GART: variants seen among roughly 807,000 people sequenced by gnomAD.
The protein encoded by GART is phosphoribosylglycinamide formyltransferase, phosphoribosylglycinamide synthetase, phosphoribosylaminoimidazole synthetase.
In GART, 43 loss-of-function variants were observed where a neutral mutation model predicts 107.2. That is an observed-to-expected ratio of 0.40 (90% CI 0.31 to 0.52). GART has a LOEUF of 0.52. Ranked by LOEUF, GART falls within the 20% of genes least tolerant of loss-of-function variation. The pLI, the probability that GART is intolerant of heterozygous loss-of-function variation, is 0.52. For missense variants in GART, 1,107 were observed against 1,206.5 expected, an observed-to-expected ratio of 0.92 and a Z score of 1.22; for synonymous variants, 434 against 427.0, an observed-to-expected ratio of 1.02 and a Z score of -0.20.
At position 33,504,127 on chromosome 21, in the gene GART, T is replaced by C. The variant is rs2084638136; in HGVS notation, c.3030A>G (p.Glu1010=). ...ENGKICWVKE[E] ...CCCATTTCTGAATTAAAAGGCTTCA[T>C]TCCTCTTTAACCCAACAGATCTTGC... Residue 1010 remains glutamate, a synonymous_variant, in exon 22 of 22, where the codon GAA becomes GAG. Coordinates refer to ENST00000381815, the MANE Select transcript of GART (RefSeq NM_000819.5). The C allele has an allele frequency of 6.2e-7, 1 of 1,603,488 alleles. No individual in the cohort carries two copies. The highest frequency in any genetic ancestry group is 1.3e-5 in the African/African-American group (1 of 74,702).
intron 7 of GART, among the ~76,000 whole-genome samples, chr21:33,530,525 A>T (rs113791367): frequency 3.9e-5 from 6 of 152,346 alleles, no homozygotes; most frequent in African/African-American, 1.2e-4. Flanking sequence ...GAATAGGAGG[A>T]TCTATTCAAC....
At chr21:33,515,371 G>A (rs190070570) in intron 16 of GART, among the ~76,000 whole-genome samples, 79 of 152,322 alleles carry the variant, frequency 5.2e-4, no homozygotes, top group African/African-American at 1.9e-3. Flanking sequence ...GCTGGGCACA[G>A]TGGCTCATGC....
At chr21:33,507,579 G>C (rs2084704672) in intron 18 of GART, among the ~76,000 whole-genome samples, 1 of 152,200 alleles carries the variant, frequency 6.6e-6, no homozygotes, top group African/African-American at 2.4e-5. Flanking sequence ...CCAGCACTTT[G>C]GGAGGCCAAG....
At chr21:33,536,961 A>T (rs754536089) in intron 2 of GART, among the ~76,000 whole-genome samples, 1 of 152,228 alleles carries the variant, frequency 6.6e-6, no homozygotes, top group Non-Finnish European at 1.5e-5. Flanking sequence ...TAGGCTGGTG[A>T]CTACTGTATA....
At chr21:33,516,504 A>G (rs1425606012) in intron 16 of GART, among the ~76,000 whole-genome samples, 2 of 152,204 alleles carry the variant, frequency 1.3e-5, no homozygotes, top group Non-Finnish European at 2.9e-5. Flanking sequence ...AAAACCTTCT[A>G]TTCCAAACTT....
Position 33,520,549 on chromosome 21 carries a change from C to A in GART, c.1517G>T (p.Cys506Phe), listed in dbSNP as rs1484946055. The change falls in exon 14 of 22, where the codon TGC (cysteine) becomes TTC (phenylalanine). Residue 506 changes from cysteine (C) to phenylalanine (F), a missense_variant. Transcript: ENST00000381815. ...TTGACCAATGGTATCATGTTTATTGCATAGCTGGGCAATCTATGTAAGAAC... is the reference window on the plus strand; with the variant it reads ...TTGACCAATGGTATCATGTTTATTGAATAGCTGGGCAATCTATGTAAGAAC... ...VGTKLKIAQL[C>F]NKHDTIGQDL... The A allele has an allele frequency of 6.2e-7, 1 of 1,613,702 alleles. No individual in the cohort carries two copies. Among genetic ancestry groups the A allele is most frequent in the Admixed American group, 1.7e-5 (1 of 60,006 alleles).
intron 10 of GART, among the ~76,000 whole-genome samples, chr21:33,526,233 CG>C (rs2085071291): frequency 6.6e-6 from 1 of 151,714 alleles, no homozygotes; most frequent in Non-Finnish European, 1.5e-5. Context: ...TGCAGTTGTG[CG>C]ACCTCGGCTC....
intron 2 of GART, 25 bp from the exon 3 acceptor site, chr21:33,535,345 A>C: frequency 7.2e-7 from 1 of 1,381,810 alleles, no homozygotes; most frequent in Non-Finnish European, 9.7e-7. Context: ...AAAAAAAAAA[A>C]AACCACTGCA....
intron 18 of GART, among the ~76,000 whole-genome samples, chr21:33,506,444 A>T (rs934028829): frequency 5.9e-5 from 9 of 152,132 alleles, no homozygotes; most frequent in Admixed American, 3.9e-4. Context: ...GCCCAACCTC[A>T]CACTTTTTAA....
At chr21:33,530,976 C>A (rs765986719) in intron 6 of GART, 92 bp from the exon 7 acceptor site, 90 of 1,160,182 alleles carry the variant, frequency 7.8e-5, no homozygotes, top group Admixed American at 6.5e-4. Flanking sequence ...CTTAATTCTT[C>A]TTTGAGGAAA....
intron 14 of GART, among the ~76,000 whole-genome samples, chr21:33,519,625 C>T (rs1179823576): frequency 2.0e-5 from 3 of 150,912 alleles, no homozygotes; most frequent in Admixed American, 1.3e-4. Context: ...CCCAGCAATT[C>T]AAGACCAGCC....
chr21:33,535,399 A>AAAAACT (rs2085285366), intron 2 of GART, 79 bp from the exon 3 acceptor site: 1 of 863,234 alleles, frequency 1.2e-6, no homozygotes, highest in Non-Finnish European at 1.7e-6. Context: ...GTCTCACTAA[A>AAAAACT]AAAACTAAGT....
At chr21:33,533,196 T>C (rs2085227541) in intron 4 of GART, among the ~76,000 whole-genome samples, 1 of 152,018 alleles carries the variant, frequency 6.6e-6, no homozygotes, top group South Asian at 2.1e-4. Flanking sequence ...TCCCAGCACT[T>C]TGGGAGGCCG....
chr21:33,510,035 TAATGCAAGGAC>T (rs2084756792), intron 17 of GART, 115 bp from the exon 18 acceptor site: 1 of 911,538 alleles, frequency 1.1e-6, no homozygotes, highest in Non-Finnish European at 1.6e-6. Flanking sequence ...GAAAATAAGA[TAATGCAAGGAC>T]TAAAATGAAC....
At chr21:33,511,752 T>C (rs962593031) in intron 16 of GART, among the ~76,000 whole-genome samples, 4 of 152,192 alleles carry the variant, frequency 2.6e-5, no homozygotes, top group Non-Finnish European at 4.4e-5. Flanking sequence ...AGCTAGTAGC[T>C]GAATTCCAGC....
At position 33,531,406 on chromosome 21, in the gene GART, G is replaced by A. The variant is rs879734062; in HGVS notation, c.597+83C>T. 1.4e-5 allele frequency: 16 copies of A among 1,164,498 alleles called. No individual in the cohort carries two copies. The African/African-American group carries it at 1.9e-4, about 13-fold the overall frequency. 72.1% of individuals were successfully genotyped at this position (1,164,498 alleles called of 1,614,324 possible). A position where few individuals can be genotyped will look rare whatever the true frequency, so the allele number is the denominator to read the frequency against. ...TATGTTTTTAGATGAAGCAACCAGA[G>A]TATATCAAGTCTTTTCTGGGGTACA... On this transcript the variant is annotated intron_variant, in intron 6 of 21. Transcript: ENST00000381815.
At chr21:33,524,264 A>G in intron 11 of GART, 1 of 986,086 alleles carries the variant, frequency 1.0e-6, no homozygotes, top group East Asian at 1.1e-4. Context: ...AAAAATCAGT[A>G]TCAGGCCAAG....
chr21:33,531,096 G>A, intron 6 of GART: 1 of 405,270 alleles, frequency 2.5e-6, no homozygotes, highest in Non-Finnish European at 4.2e-6. Flanking sequence ...AATTTTTGAG[G>A]GAAGTCAGAA....
rs571626942 is a variant in GART at position 33,521,097 on chromosome 21, A to T, written c.1394-82T>A. 33 of 1,152,284 alleles carry T rather than the reference A, an allele frequency of 2.9e-5. 1 individual carries two copies. In the South Asian group the frequency reaches 4.0e-4, roughly 14 times the overall value. 71.4% of individuals were successfully genotyped at this position (1,152,284 alleles called of 1,614,324 possible). ...TTTAAATGTCTACTAGTTTAAAAAAACCAGTATATTTAGCGGCCTGTGAGA... is the reference window on the plus strand; with the variant it reads ...TTTAAATGTCTACTAGTTTAAAAAATCCAGTATATTTAGCGGCCTGTGAGA... On this transcript the variant is annotated intron_variant, in intron 12 of 21. Transcript: ENST00000381815.
Sources: gnomAD v4.1 joint callset for allele counts (sites outside exome capture counted in the v4.1 genomes callset) on GRCh38, gnomAD v4.1.1 for gene constraint, MANE v1.5 for transcripts, NCBI Gene and HGNC (gene_info 2026-07-23, HGNC 2026-07-21) for gene names.